The following CNTNAP5 variants were observed in gnomAD, a reference collection of about 807,000 sequenced individuals.
CNTNAP5 encodes the protein contactin-associated protein-like 5.
CNTNAP5 carries 72 observed loss-of-function variants against 150.2 expected under a neutral mutation model. The observed-to-expected ratio is 0.48, with a 90% CI of 0.40 to 0.58. The LOEUF (loss-of-function observed/expected upper bound fraction) is 0.58, where lower values mean the gene tolerates loss of function less well. Ranked by LOEUF, CNTNAP5 falls within the 20% of genes least tolerant of loss-of-function variation. CNTNAP5 has a pLI of 0.00. For synonymous variants in CNTNAP5, 672 were observed against 619.8 expected, an observed-to-expected ratio of 1.08 and a Z score of -1.25; for missense variants, 1,636 against 1,626.2, an observed-to-expected ratio of 1.01 and a Z score of -0.10.
chr2:124,165,885 C>A (rs1684802266), intron 1 of CNTNAP5, among the ~76,000 whole-genome samples: 1 of 152,170 alleles, frequency 6.6e-6, no homozygotes. Context: ...TGGAGCGGCG[C>A]AGTGACCGGC....
intron 1 of CNTNAP5, among the ~76,000 whole-genome samples, chr2:124,052,108 C>G (rs1213958): frequency 0.27 from 41,226 of 152,096 alleles, 5,631 homozygotes; most frequent in Middle Eastern, 0.32. Flanking sequence ...TGCTTATCCT[C>G]ACATTCTGTA....
rs1162394980 is a variant in CNTNAP5 at position 124,908,249 on chromosome 2, T to C, written c.3656-3218T>C. On this transcript the variant is annotated intron_variant, in intron 22 of 23. Coordinates refer to ENST00000682447, the MANE Select transcript of CNTNAP5 (RefSeq NM_001367498.1). The stretch of plus-strand genomic sequence containing the variant: ...AGCTGGGCATGGTGGTGCACACCTG[T>C]AATCCCAGCTACTCAGGAAGCTGAG... 3.3e-5 allele frequency among the ~76,000 whole-genome samples: 5 copies of C among 152,112 alleles called. No homozygotes were observed. In the East Asian group the frequency reaches 7.8e-4, roughly 24 times the overall value.
At chr2:124,741,745 T>A (rs1680501418) in intron 13 of CNTNAP5, among the ~76,000 whole-genome samples, 1 of 152,036 alleles carries the variant, frequency 6.6e-6, no homozygotes, top group Admixed American at 6.6e-5. Context: ...AGTATAGGAG[T>A]CTATATAGGC....
At chr2:124,555,231 C>T (rs1184886954) in intron 10 of CNTNAP5, among the ~76,000 whole-genome samples, 2 of 152,146 alleles carry the variant, frequency 1.3e-5, no homozygotes, top group Non-Finnish European at 2.9e-5. Context: ...CAAAAACATT[C>T]ATACCATAGT....
intron 13 of CNTNAP5, among the ~76,000 whole-genome samples, chr2:124,698,515 G>T (rs1338649082): frequency 6.6e-6 from 1 of 151,868 alleles, no homozygotes; most frequent in Non-Finnish European, 1.5e-5. Flanking sequence ...GAACATTTTT[G>T]TATTTTGTTC....
intron 13 of CNTNAP5, among the ~76,000 whole-genome samples, chr2:124,729,585 A>G (rs915846778): frequency 6.6e-6 from 1 of 152,112 alleles, no homozygotes; most frequent in Non-Finnish European, 1.5e-5. Context: ...CTTAGAATCA[A>G]TGGGGTAAGA....
At chr2:124,362,757 A>G (rs1690249691) in intron 3 of CNTNAP5, among the ~76,000 whole-genome samples, 1 of 152,180 alleles carries the variant, frequency 6.6e-6, no homozygotes, top group African/African-American at 2.4e-5. Context: ...GTACCTTTGA[A>G]GAGTTCAGTT....
chr2:124,567,017 C>G (rs1696039627), intron 11 of CNTNAP5, among the ~76,000 whole-genome samples: 1 of 152,202 alleles, frequency 6.6e-6, no homozygotes, highest in African/African-American at 2.4e-5. Context: ...GAAATACAAA[C>G]TCTTTGGATT....
chr2:124,234,301 C>T (rs965303066), intron 2 of CNTNAP5, among the ~76,000 whole-genome samples: 5 of 152,134 alleles, frequency 3.3e-5, no homozygotes, highest in Non-Finnish European at 5.9e-5. Flanking sequence ...AGCCTCTACT[C>T]ATTTTATAAG....
chr2:124,453,354 T>C (rs1372712977), intron 6 of CNTNAP5, among the ~76,000 whole-genome samples: 2 of 151,994 alleles, frequency 1.3e-5, no homozygotes, highest in Non-Finnish European at 2.9e-5. Flanking sequence ...TAAGAAAATA[T>C]GAACAAAGCA....
At chr2:124,495,377 A>G (rs1468196686) in intron 7 of CNTNAP5, among the ~76,000 whole-genome samples, 1 of 152,212 alleles carries the variant, frequency 6.6e-6, no homozygotes, top group Non-Finnish European at 1.5e-5. Flanking sequence ...GCTTTGTGCA[A>G]TATTTGCTAA....
chr2:124,563,171 A>G, intron 10 of CNTNAP5, 46 bp from the exon 11 acceptor site: 1 of 1,315,564 alleles, frequency 7.6e-7, no homozygotes. Context: ...CCTTTCTGCC[A>G]AATGATTTGG....
intron 3 of CNTNAP5, among the ~76,000 whole-genome samples, chr2:124,400,172 T>A (rs1443374352): frequency 1.3e-5 from 2 of 151,744 alleles, no homozygotes; most frequent in East Asian, 3.9e-4. Context: ...CAACAAGGAT[T>A]TATGGGCCAC....
chr2:124,502,496 A>G (rs1007812855), intron 7 of CNTNAP5, among the ~76,000 whole-genome samples: 1 of 152,166 alleles, frequency 6.6e-6, no homozygotes, highest in Non-Finnish European at 1.5e-5. Flanking sequence ...ATCTTTGTGA[A>G]CATTCCCACT....
At chr2:124,103,731 C>T (rs1281125311) in intron 1 of CNTNAP5, among the ~76,000 whole-genome samples, 1 of 151,576 alleles carries the variant, frequency 6.6e-6, no homozygotes, top group Non-Finnish European at 1.5e-5. Flanking sequence ...ATTACAAAAT[C>T]ACCTAATGTC....
chr2:124,349,766 A>G (rs1034587199), intron 3 of CNTNAP5, among the ~76,000 whole-genome samples: 4 of 151,724 alleles, frequency 2.6e-5, no homozygotes, highest in African/African-American at 7.3e-5. Context: ...TGCAAACCAT[A>G]GGATCAGCTC....
At chr2:124,043,471 G>A (rs1249459280) in intron 1 of CNTNAP5, among the ~76,000 whole-genome samples, 3 of 152,046 alleles carry the variant, frequency 2.0e-5, no homozygotes, top group South Asian at 2.1e-4. Context: ...AATACCTAAC[G>A]ATAGCCACCA....
chr2:124,443,656 T>C (rs1045573412), intron 5 of CNTNAP5, among the ~76,000 whole-genome samples: 1 of 152,060 alleles, frequency 6.6e-6, no homozygotes, highest in African/African-American at 2.4e-5. Context: ...ATTCATAATA[T>C]TTATAAAATT....
At chr2:124,634,534 G>A (rs1343419676) in intron 12 of CNTNAP5, among the ~76,000 whole-genome samples, 1 of 151,960 alleles carries the variant, frequency 6.6e-6, no homozygotes, top group East Asian at 1.9e-4. Context: ...AATGAGGCAC[G>A]GTATCACTTT....
Sources: gnomAD v4.1 joint callset for allele counts (sites outside exome capture counted in the v4.1 genomes callset) on GRCh38, gnomAD v4.1.1 for gene constraint, MANE v1.5 for transcripts, NCBI Gene and HGNC (gene_info 2026-07-23, HGNC 2026-07-21) for gene names.